Variants in RIC8B observed in about 807,000 individuals in gnomAD.
RIC8B encodes RIC8 guanine nucleotide exchange factor B.
RIC8B carries 16 observed loss-of-function variants against 57.5 expected under a neutral mutation model. That is an observed-to-expected ratio of 0.28 (90% CI 0.19 to 0.42). RIC8B has a LOEUF of 0.42. Ranked by LOEUF, RIC8B falls within the 10% of genes least tolerant of loss-of-function variation. The pLI is 1.00. For missense variants in RIC8B, 481 were observed against 677.0 expected (o/e 0.71, Z 3.21); for synonymous variants, 216 against 250.8 (o/e 0.86, Z 1.31).
At chr12:106,860,212 A>G in intron 7 of RIC8B, 56 bp from the exon 8 acceptor site, 2 of 1,412,780 alleles carry the variant, frequency 1.4e-6, no homozygotes, top group Non-Finnish European at 1.9e-6. Flanking sequence ...TGAGTGGTTG[A>G]TGATGATGGT....
intron 9 of RIC8B, among the ~76,000 whole-genome samples, chr12:106,873,742 GA>G (rs997551458): frequency 2.6e-5 from 4 of 152,176 alleles, no homozygotes; most frequent in Non-Finnish European, 5.9e-5. Context: ...ATGACAAAAT[GA>G]GTTCTATGTT....
intron 2 of RIC8B, among the ~76,000 whole-genome samples, chr12:106,784,948 C>A (rs1178348562): frequency 6.6e-6 from 1 of 152,210 alleles, no homozygotes; most frequent in East Asian, 1.9e-4. Context: ...CATCTGATTA[C>A]TGCATCAGTT....
Position 106,825,828 on chromosome 12 carries a change from A to G in RIC8B, c.836+8A>G, listed in dbSNP as rs779151062. 1 of 1,582,126 alleles carries G rather than the reference A, an allele frequency of 6.3e-7. No homozygotes were observed. The highest frequency in any genetic ancestry group is 1.1e-5 in the South Asian group (1 of 90,390). On this transcript the variant is annotated splice_region_variant and intron_variant, in intron 4 of 9. Transcript: ENST00000392837. Reference sequence around the variant, plus strand: ...AACAGAAGAGCTACACAGGTGGGTAAGCTCTGTATTGATATCCCAATGAAG... The same window carrying G: ...AACAGAAGAGCTACACAGGTGGGTAGGCTCTGTATTGATATCCCAATGAAG...
chr12:106,884,789 C>T (rs1177530457), intron 9 of RIC8B, among the ~76,000 whole-genome samples: 1 of 152,162 alleles, frequency 6.6e-6, no homozygotes, highest in Non-Finnish European at 1.5e-5. Context: ...TCTGTAACAC[C>T]ATTACACTAC....
intron 1 of RIC8B, among the ~76,000 whole-genome samples, chr12:106,782,966 G>A (rs1460541532): frequency 6.6e-6 from 1 of 152,170 alleles, no homozygotes; most frequent in African/African-American, 2.4e-5. Flanking sequence ...AGAGTACTTG[G>A]TTCTCCTGAA....
chr12:106,854,312 TTAAAA>T (rs146367995), intron 7 of RIC8B, among the ~76,000 whole-genome samples: 4,831 of 151,894 alleles, frequency 0.032, 234 homozygotes, highest in African/African-American at 0.1. Context: ...AGGTAGACTA[TTAAAA>T]TAAAATAAAA....
At chr12:106,791,760 G>A (rs1350181395) in intron 2 of RIC8B, among the ~76,000 whole-genome samples, 1 of 152,160 alleles carries the variant, frequency 6.6e-6, no homozygotes, top group Admixed American at 6.5e-5. Context: ...AATTATAGAT[G>A]CATGCTGAGG....
intron 8 of RIC8B, among the ~76,000 whole-genome samples, chr12:106,863,512 T>C (rs1950020440): frequency 6.6e-6 from 1 of 152,108 alleles, no homozygotes; most frequent in South Asian, 2.1e-4. Context: ...TCAAGTCTTT[T>C]TATAGTTGTC....
At chr12:106,874,226 C>T (rs984553061) in intron 9 of RIC8B, among the ~76,000 whole-genome samples, 4 of 152,160 alleles carry the variant, frequency 2.6e-5, no homozygotes, top group Admixed American at 6.5e-5. Flanking sequence ...AAGTGTTTGC[C>T]AGAACACTTC....
intron 7 of RIC8B, among the ~76,000 whole-genome samples, chr12:106,855,375 C>T (rs151330090): frequency 3.7e-4 from 57 of 152,254 alleles, no homozygotes; most frequent in African/African-American, 1.3e-3. Flanking sequence ...GCCCTATGTG[C>T]TTTCCCCAAT....
At chr12:106,840,904 A>G (rs1948916837) in intron 4 of RIC8B, among the ~76,000 whole-genome samples, 2 of 152,214 alleles carry the variant, frequency 1.3e-5, no homozygotes, top group Non-Finnish European at 2.9e-5. Context: ...GGAAAAAATC[A>G]TAACATTTCA....
chr12:106,868,271 T>C (rs752199659), intron 8 of RIC8B: 2 of 456,234 alleles, frequency 4.4e-6, no homozygotes, highest in African/African-American at 4.0e-5. Context: ...ATCCTAAAAG[T>C]GCCTACAGGC....
chr12:106,781,239 C>CT (rs1167784985), intron 1 of RIC8B, among the ~76,000 whole-genome samples: 1 of 152,138 alleles, frequency 6.6e-6, no homozygotes, highest in Non-Finnish European at 1.5e-5. Context: ...TGTGAGCCAC[C>CT]ATGCCCGGCC....
chr12:106,816,534 G>C (rs574439602), intron 3 of RIC8B, among the ~76,000 whole-genome samples: 1 of 152,264 alleles, frequency 6.6e-6, no homozygotes, highest in East Asian at 1.9e-4. Flanking sequence ...ATGTTTCTAT[G>C]CTTATTTGGT....
At chr12:106,805,932 T>C (rs2044993844) in intron 2 of RIC8B, among the ~76,000 whole-genome samples, 2 of 152,062 alleles carry the variant, frequency 1.3e-5, no homozygotes, top group East Asian at 3.9e-4. Context: ...CTTCAGAAAC[T>C]GTTTTTTTGT....
chr12:106,802,571 C>T (rs1472562502), intron 2 of RIC8B, among the ~76,000 whole-genome samples: 1 of 125,938 alleles, frequency 7.9e-6, no homozygotes, highest in Non-Finnish European at 1.6e-5. Context: ...TAAGTAGAAC[C>T]ATGTTTAAGG....
rs1951178787 is a variant in RIC8B, at chr12:106,886,213, G to C, written c.*198G>C. Reference sequence around the variant, plus strand: ...ATTGAGGCATTCATACAGAGCTGCAGTTAGACGGGGTTACGGGGGCTAAAA... The same window carrying C: ...ATTGAGGCATTCATACAGAGCTGCACTTAGACGGGGTTACGGGGGCTAAAA... On this transcript the variant is annotated 3_prime_UTR_variant, in exon 10 of 10. Coordinates refer to ENST00000392837, the MANE Select transcript of RIC8B (RefSeq NM_001330145.2). 2 of 505,020 alleles carry C rather than the reference G, an allele frequency of 4.0e-6. No homozygotes were observed. The highest frequency in any genetic ancestry group is 6.7e-5 in the South Asian group (2 of 29,932). The allele number at this position is 505,020 out of a possible 1,614,324, so 31.3% of individuals were successfully genotyped here. A position where few individuals can be genotyped will look rare whatever the true frequency, so the allele number is the denominator to read the frequency against.
chr12:106,850,528 A>T (rs1169392909), intron 6 of RIC8B, among the ~76,000 whole-genome samples: 1 of 152,182 alleles, frequency 6.6e-6, no homozygotes, highest in Non-Finnish European at 1.5e-5. Flanking sequence ...AAACTAAGAA[A>T]GTTTCATAAG....
At chr12:106,825,896 T>A (rs1593222575) in intron 4 of RIC8B, 76 bp downstream of exon 4, 1 of 961,390 alleles carries the variant, frequency 1.0e-6, no homozygotes, top group East Asian at 2.5e-5. Flanking sequence ...TAATTTCAAT[T>A]GTTATAAGCA....
Sources: allele counts gnomAD v4.1 joint callset (sites outside exome capture counted in the v4.1 genomes callset), GRCh38; gene constraint gnomAD v4.1.1; transcripts MANE v1.5; gene names NCBI Gene and HGNC (gene_info 2026-07-23, HGNC 2026-07-21).